Variants in ITIH6 observed in about 807,000 individuals in gnomAD.
ITIH6 encodes the protein inter-alpha-trypsin inhibitor heavy chain family member 6, also known as inter-alpha-trypsin inhibitor heavy chain H6.
In ITIH6, 60 loss-of-function variants were observed where a neutral mutation model predicts 58.2. The ratio of observed to expected loss-of-function variants is 1.03; its 90% CI spans 0.84 to 1.28. The LOEUF is 1.28. ITIH6 is among the 50% of genes most tolerant of loss of function. ITIH6 has a pLI of 0.00. For missense variants in ITIH6, 1,290 were observed against 1,021.1 expected, an observed-to-expected ratio of 1.26 and a Z score of -3.59; for synonymous variants, 493 against 417.4, an observed-to-expected ratio of 1.18 and a Z score of -2.21.
intron 5 of ITIH6, among the ~76,000 whole-genome samples, chrX:54,779,823 T>C (rs1929117952): frequency 9.1e-6 from 1 of 110,353 alleles, no homozygotes; most frequent in African/African-American, 3.3e-5. Flanking sequence ...AAGACACACA[T>C]AGACTACAAA....
intron 5 of ITIH6, among the ~76,000 whole-genome samples, chrX:54,780,724 AAG>A: frequency 9.0e-6 from 1 of 111,038 alleles, no homozygotes; most frequent in African/African-American, 3.3e-5. Context: ...AGGAAACAAA[AAG>A]AGTTTTTTTT....
chrX:54,779,453 T>G (rs1279721640), intron 5 of ITIH6, among the ~76,000 whole-genome samples: 1 of 111,784 alleles, frequency 8.9e-6, no homozygotes, highest in African/African-American at 3.2e-5. Context: ...GTGCAAACAG[T>G]GTTAAGTTGT....
intron 6 of ITIH6, among the ~76,000 whole-genome samples, chrX:54,769,601 A>C (rs1441911083): frequency 9.6e-6 from 1 of 103,914 alleles, no homozygotes; most frequent in Non-Finnish European, 2.0e-5. Flanking sequence ...TCTAACAGAC[A>C]GGACCCTCAG....
intron 6 of ITIH6, among the ~76,000 whole-genome samples, chrX:54,760,947 A>G (rs1232236499): frequency 8.9e-6 from 1 of 111,817 alleles, no homozygotes; most frequent in East Asian, 2.8e-4. Flanking sequence ...CTTTGGGTAT[A>G]TACCCAGAAA....
intron 5 of ITIH6, among the ~76,000 whole-genome samples, chrX:54,775,445 C>G (rs1355527629): frequency 1.8e-5 from 2 of 110,324 alleles, no homozygotes; most frequent in Admixed American, 1.9e-4. Context: ...GATTGCCCAC[C>G]CCACCCTTCT....
At chrX:54,772,552 G>C (rs919054837) in intron 6 of ITIH6, among the ~76,000 whole-genome samples, 1 of 112,179 alleles carries the variant, frequency 8.9e-6, no homozygotes, top group African/African-American at 3.2e-5. Context: ...TGATAATTTC[G>C]ACATATCTGA....
At chrX:54,750,446 T>C (rs976971913) in intron 12 of ITIH6, among the ~76,000 whole-genome samples, 44 of 111,321 alleles carry the variant, frequency 4.0e-4, no homozygotes, top group Admixed American at 3.8e-4. Flanking sequence ...CACTCTTTGA[T>C]GTGAGCCTCT....
At chrX:54,776,283 T>C (rs1404247248) in intron 5 of ITIH6, among the ~76,000 whole-genome samples, 2 of 111,209 alleles carry the variant, frequency 1.8e-5, no homozygotes, top group Non-Finnish European at 3.8e-5. Context: ...GCATGTCAGC[T>C]GTTGGCACTT....
Position 54,758,942 on chromosome X carries a change from G to T in ITIH6, c.1132C>A (p.Gln378Lys). 1 of 1,199,725 alleles carries T rather than the reference G, an allele frequency of 8.3e-7. No individual in the cohort carries two copies. The highest frequency in any genetic ancestry group is 1.1e-6 in the Non-Finnish European group (1 of 889,063). Residue 378 changes from glutamine to lysine, a missense_variant, in exon 8 of 13, where the codon CAG (glutamine) becomes AAG (lysine). Gln to Lys is a moderately conservative substitution (Grantham distance 53). Transcript: ENST00000218436. Reference sequence around the variant, plus strand: ...ACACTGGGGCCCCTCCCAGGCTCCTGGTTGCTATGGTTCAGCACTGAAGCA... The same window carrying T: ...ACACTGGGGCCCCTCCCAGGCTCCTTGTTGCTATGGTTCAGCACTGAAGCA... ...AAASVLNHSNQEPGRGPSVGR... is the reference protein window; with the variant it reads ...AAASVLNHSNKEPGRGPSVGR...
intron 5 of ITIH6, among the ~76,000 whole-genome samples, chrX:54,779,066 G>A (rs1264898292): frequency 8.9e-6 from 1 of 112,012 alleles, no homozygotes; most frequent in Non-Finnish European, 1.9e-5. Flanking sequence ...GAGAAATAAA[G>A]AGTTTCCCAG....
At chrX:54,795,474 G>C (rs777391509) in intron 2 of ITIH6, among the ~76,000 whole-genome samples, 9 of 111,615 alleles carry the variant, frequency 8.1e-5, no homozygotes, top group Non-Finnish European at 3.8e-5. Context: ...AGACCATTAA[G>C]TGAGACCCAA....
chrX:54,784,724 C>A (rs889769325), intron 5 of ITIH6, among the ~76,000 whole-genome samples: 2 of 111,345 alleles, frequency 1.8e-5, no homozygotes, highest in Non-Finnish European at 3.8e-5. Flanking sequence ...AGAAAAGGGA[C>A]CCCCATACAC....
chrX:54,782,316 T>A (rs1042055001), intron 5 of ITIH6, among the ~76,000 whole-genome samples: 3 of 111,636 alleles, frequency 2.7e-5, no homozygotes, highest in African/African-American at 9.8e-5. Context: ...CTCAAGAGGC[T>A]GAGGCAGGAG....
At chrX:54,785,203 G>A (rs1015944618) in intron 5 of ITIH6, among the ~76,000 whole-genome samples, 37 of 108,401 alleles carry the variant, frequency 3.4e-4, no homozygotes, top group African/African-American at 1.1e-3. Flanking sequence ...CAGAGGCTGC[G>A]GGGAGTGGGG....
chrX:54,759,405 C>A (rs773808047), intron 7 of ITIH6, among the ~76,000 whole-genome samples: 2 of 111,760 alleles, frequency 1.8e-5, no homozygotes, highest in East Asian at 2.8e-4. Flanking sequence ...GAGACGATTG[C>A]TTAAAAGCTA....
At chrX:54,761,098 T>A (rs1305221384) in intron 6 of ITIH6, among the ~76,000 whole-genome samples, 1 of 111,885 alleles carries the variant, frequency 8.9e-6, no homozygotes, top group Non-Finnish European at 1.9e-5. Context: ...CTCCAGCACC[T>A]GTTGTTTCCT....
intron 2 of ITIH6, among the ~76,000 whole-genome samples, chrX:54,794,330 T>A (rs775368915): frequency 5.1e-4 from 57 of 110,976 alleles, no homozygotes; most frequent in Non-Finnish European, 7.2e-4. Flanking sequence ...TAATTTTTTT[T>A]AAAAAAATCT....
At chrX:54,770,646 C>T (rs1020611588) in intron 6 of ITIH6, among the ~76,000 whole-genome samples, 6 of 112,377 alleles carry the variant, frequency 5.3e-5, no homozygotes, top group Non-Finnish European at 9.4e-5. Flanking sequence ...CAATTATTCC[C>T]TCCCATCCTA....
intron 6 of ITIH6, among the ~76,000 whole-genome samples, chrX:54,772,574 C>T (rs1465584233): frequency 8.9e-6 from 1 of 112,285 alleles, no homozygotes; most frequent in African/African-American, 3.2e-5. Flanking sequence ...ATATTGAAGT[C>T]TGGCTGTGAT....
Sources: allele counts gnomAD v4.1 joint callset (sites outside exome capture counted in the v4.1 genomes callset), GRCh38; gene constraint gnomAD v4.1.1; transcripts MANE v1.5; gene names NCBI Gene and HGNC (gene_info 2026-07-23, HGNC 2026-07-21).